The following RPS6KC1 variants were observed in gnomAD, a reference collection of about 807,000 sequenced individuals.
RPS6KC1 encodes the protein inactive ribosomal protein S6 kinase delta-1.
A neutral mutation model predicts 103.8 loss-of-function variants in RPS6KC1; 54 were observed. The observed-to-expected ratio is 0.52, with a 90% CI of 0.42 to 0.65. The LOEUF (loss-of-function observed/expected upper bound fraction) is 0.65, where lower values mean the gene tolerates loss of function less well. RPS6KC1 is among the 30% of genes least tolerant of loss of function. RPS6KC1 has a pLI of 0.00. For synonymous variants in RPS6KC1, 439 were observed against 438.7 expected, an observed-to-expected ratio of 1.00 and a Z score of -0.01; for missense variants, 1,151 against 1,253.8, an observed-to-expected ratio of 0.92 and a Z score of 1.24.
chr1:213,692,165 G>T, the RPS6KC1 span, among the ~76,000 whole-genome samples: 2 of 152,280 alleles, frequency 1.3e-5, no homozygotes, highest in South Asian at 4.1e-4. Flanking sequence ...CACTTTGGGA[G>T]GCCAAGACAG....
At chr1:213,052,570 C>CGAA (rs2077038667) in intron 1 of RPS6KC1, among the ~76,000 whole-genome samples, 1 of 150,674 alleles carries the variant, frequency 6.6e-6, no homozygotes, top group East Asian at 1.9e-4. Context: ...GACGGAGTTT[C>CGAA]GCTCTTGTTG....
chr1:213,522,932 G>A, the RPS6KC1 span, among the ~76,000 whole-genome samples: 197 of 152,298 alleles, frequency 1.3e-3, 1 homozygote, highest in African/African-American at 4.6e-3. Flanking sequence ...TCCTTCAAGA[G>A]TTATTCTTTT....
the RPS6KC1 span, among the ~76,000 whole-genome samples, chr1:213,595,749 T>C: frequency 0.056 from 8,533 of 152,334 alleles, 442 homozygotes; most frequent in East Asian, 0.27. Context: ...AGAGTGCTTA[T>C]AATTTGACAT....
chr1:213,725,102 C>G, the RPS6KC1 span, among the ~76,000 whole-genome samples: 1 of 152,170 alleles, frequency 6.6e-6, no homozygotes, highest in African/African-American at 2.4e-5. Flanking sequence ...AACGTCTTAC[C>G]AGAGGACTAA....
chr1:213,194,464 C>T (rs1003977872), intron 8 of RPS6KC1, among the ~76,000 whole-genome samples: 11 of 151,978 alleles, frequency 7.2e-5, no homozygotes, highest in African/African-American at 2.4e-4. Context: ...TTTTGTGTAT[C>T]TATGGTAAGT....
At chr1:213,057,640 C>T (rs1345382357) in intron 1 of RPS6KC1, among the ~76,000 whole-genome samples, 1 of 150,560 alleles carries the variant, frequency 6.6e-6, no homozygotes, top group African/African-American at 2.4e-5. Context: ...GTTTCTTACT[C>T]CTGAGTTTTG....
At chr1:213,423,057 G>A in the RPS6KC1 span, among the ~76,000 whole-genome samples, 1 of 152,232 alleles carries the variant, frequency 6.6e-6, no homozygotes, top group Non-Finnish European at 1.5e-5. Flanking sequence ...CAGGAGCTCT[G>A]CAGACATGTG....
chr1:213,570,736 G>A, the RPS6KC1 span, among the ~76,000 whole-genome samples: 1 of 152,180 alleles, frequency 6.6e-6, no homozygotes, highest in Non-Finnish European at 1.5e-5. Context: ...TGTGGAGGGT[G>A]AGAAATTATC....
At chr1:213,448,168 C>G in the RPS6KC1 span, among the ~76,000 whole-genome samples, 1 of 133,340 alleles carries the variant, frequency 7.5e-6, no homozygotes, top group Non-Finnish European at 1.5e-5. Context: ...AGCCCAGAGG[C>G]TCAGTGAGCT....
intron 8 of RPS6KC1, among the ~76,000 whole-genome samples, chr1:213,184,026 T>G (rs1047224352): frequency 6.6e-6 from 1 of 152,132 alleles, no homozygotes; most frequent in Admixed American, 6.5e-5. Flanking sequence ...ATGGACCAAT[T>G]CATAGAAAAG....
chr1:213,521,580 C>G, the RPS6KC1 span, among the ~76,000 whole-genome samples: 3 of 152,158 alleles, frequency 2.0e-5, no homozygotes, highest in Admixed American at 2.0e-4. Context: ...TAGCATTTTA[C>G]CCACAGTAGA....
chr1:213,632,772 C>T, the RPS6KC1 span, among the ~76,000 whole-genome samples: 3 of 152,114 alleles, frequency 2.0e-5, no homozygotes, highest in Non-Finnish European at 4.4e-5. Flanking sequence ...GATGTTCAAA[C>T]CCATCGCAAG....
chr1:213,758,247 T>C, the RPS6KC1 span, among the ~76,000 whole-genome samples: 3 of 152,184 alleles, frequency 2.0e-5, no homozygotes, highest in Non-Finnish European at 4.4e-5. Context: ...CTGAAAATCC[T>C]CTGGAAAGAA....
chr1:213,090,148 T>G (rs979780653), intron 3 of RPS6KC1, among the ~76,000 whole-genome samples: 4 of 152,178 alleles, frequency 2.6e-5, no homozygotes, highest in African/African-American at 7.2e-5. Flanking sequence ...CACCATCAAG[T>G]TTTTAAGACT....
At chr1:213,167,225 G>A (rs2091040173) in intron 6 of RPS6KC1, among the ~76,000 whole-genome samples, 1 of 152,142 alleles carries the variant, frequency 6.6e-6, no homozygotes, top group African/African-American at 2.4e-5. Context: ...CCTGGTTAGT[G>A]ATGAGGGGAA....
At chr1:213,260,868 G>T (rs565400062) in intron 12 of RPS6KC1, among the ~76,000 whole-genome samples, 1 of 152,114 alleles carries the variant, frequency 6.6e-6, no homozygotes, top group South Asian at 2.1e-4. Context: ...GCTGGCGAGA[G>T]ATAGGGATAA....
downstream of RPS6KC1, among the ~76,000 whole-genome samples, chr1:213,278,604 T>C (rs114862294): frequency 3.4e-3 from 523 of 152,350 alleles, 5 homozygotes; most frequent in African/African-American, 0.012. Context: ...GCTCTCTCAA[T>C]TCTTCTTTCT....
the RPS6KC1 span, among the ~76,000 whole-genome samples, chr1:213,382,116 C>T: frequency 1.3e-5 from 2 of 152,138 alleles, no homozygotes; most frequent in Admixed American, 1.3e-4. Flanking sequence ...AGAACAATAT[C>T]GCCAGCTCCA....
chr1:213,060,432 A>G (rs762566161), intron 1 of RPS6KC1, among the ~76,000 whole-genome samples: 4 of 152,228 alleles, frequency 2.6e-5, no homozygotes, highest in Non-Finnish European at 5.9e-5. Flanking sequence ...TGTAAAATAT[A>G]TTTATGCTTA....
Sources: allele counts gnomAD v4.1 joint callset (sites outside exome capture counted in the v4.1 genomes callset), GRCh38; gene constraint gnomAD v4.1.1; transcripts MANE v1.5; gene names NCBI Gene and HGNC (gene_info 2026-07-23, HGNC 2026-07-21).